The following TTC7B variants were observed in gnomAD, a reference collection of about 807,000 sequenced individuals.
TTC7B encodes the protein tetratricopeptide repeat domain 7B.
Under a neutral mutation model 106.8 loss-of-function variants are expected in TTC7B, and 28 were observed. The observed-to-expected ratio is 0.26, with a 90% CI of 0.19 to 0.36. The LOEUF (loss-of-function observed/expected upper bound fraction) is 0.36, where lower values mean the gene tolerates loss of function less well. Ranked by LOEUF, TTC7B falls within the 10% of genes least tolerant of loss-of-function variation. The pLI is 1.00. For missense variants in TTC7B, 862 were observed against 1,076.4 expected, an observed-to-expected ratio of 0.80 and a Z score of 2.79; for synonymous variants, 405 against 430.6, an observed-to-expected ratio of 0.94 and a Z score of 0.74.
intron 15 of TTC7B, among the ~76,000 whole-genome samples, chr14:90,630,210 A>AT (rs1304165261): frequency 1.3e-5 from 2 of 151,082 alleles, no homozygotes; most frequent in Non-Finnish European, 3.0e-5. Context: ...CATTTGGGGG[A>AT]TTTTGTCCCT....
At chr14:90,796,856 CTT>C (rs35291655) in intron 1 of TTC7B, among the ~76,000 whole-genome samples, 2 of 145,330 alleles carry the variant, frequency 1.4e-5, no homozygotes, top group Non-Finnish European at 1.5e-5. Flanking sequence ...TTCTTTTTTT[CTT>C]TTTTTTTTTG....
chr14:90,766,532 T>A, intron 3 of TTC7B: 1 of 755,630 alleles, frequency 1.3e-6, no homozygotes. Context: ...ACTGCCGCCA[T>A]GTCTCTAGTG....
intron 3 of TTC7B, among the ~76,000 whole-genome samples, chr14:90,768,005 C>T (rs1890744304): frequency 6.6e-6 from 1 of 152,126 alleles, no homozygotes; most frequent in Non-Finnish European, 1.5e-5. Context: ...AAGACCCATA[C>T]CAAGGCACAT....
At chr14:90,631,788 G>T (rs1423980665) in intron 15 of TTC7B, among the ~76,000 whole-genome samples, 1 of 152,038 alleles carries the variant, frequency 6.6e-6, no homozygotes, top group Non-Finnish European at 1.5e-5. Context: ...TTGTGACTTT[G>T]TTTTTTTGAT....
chr14:90,815,904 G>A (rs1385796145), intron 1 of TTC7B, among the ~76,000 whole-genome samples: 1 of 151,600 alleles, frequency 6.6e-6, no homozygotes, highest in East Asian at 2.0e-4. Flanking sequence ...GAGACCCCCG[G>A]ACACCCCAGA....
At chr14:90,658,090 C>T in intron 10 of TTC7B, 3 of 565,006 alleles carry the variant, frequency 5.3e-6, no homozygotes, top group Non-Finnish European at 9.5e-6. Context: ...TGGAAAAAGA[C>T]AAATATTTCA....
intron 4 of TTC7B, among the ~76,000 whole-genome samples, chr14:90,734,144 C>T (rs927408139): frequency 1.8e-4 from 27 of 151,988 alleles, no homozygotes; most frequent in Non-Finnish European, 3.1e-4. Context: ...ACAGGCCAGG[C>T]GTGGTGGCTC....
chr14:90,698,342 CT>C (rs1375002213), intron 5 of TTC7B: 3 of 152,184 alleles, frequency 2.0e-5, no homozygotes, highest in African/African-American at 7.2e-5. Flanking sequence ...CACACGATTG[CT>C]TTCATATCTT....
At chr14:90,811,550 C>T (rs985246875) in intron 1 of TTC7B, among the ~76,000 whole-genome samples, 2 of 152,314 alleles carry the variant, frequency 1.3e-5, no homozygotes, top group East Asian at 3.9e-4. Context: ...CCTGCACCCT[C>T]CACCAAGGGG....
In TTC7B at chr14:90,726,071, A is replaced by G. The variant is rs115851275; in HGVS notation, c.698+4004T>C. 4.0e-3 allele frequency among the ~76,000 whole-genome samples: 606 copies of G among 152,362 alleles called. 5 individuals carry two copies. Among genetic ancestry groups the G allele is most frequent in the African/African-American group, 0.014 (580 of 41,578 alleles). ...CAGTGAGCTAGGATCGTACCACTGCATTCCAGCCTGGGCCATAGAATAAGA... is the reference window on the plus strand; with the variant it reads ...CAGTGAGCTAGGATCGTACCACTGCGTTCCAGCCTGGGCCATAGAATAAGA... On this transcript the variant is annotated intron_variant, in intron 5 of 19. Coordinates refer to ENST00000328459, the MANE Select transcript of TTC7B (RefSeq NM_001010854.2).
intron 19 of TTC7B, among the ~76,000 whole-genome samples, chr14:90,552,202 A>G (rs935583635): frequency 2.6e-5 from 4 of 151,998 alleles, no homozygotes; most frequent in Non-Finnish European, 5.9e-5. Context: ...TCAGAGCTCC[A>G]CCGTGGGGTG....
chr14:90,603,653 C>T (rs914731612), intron 17 of TTC7B, among the ~76,000 whole-genome samples: 1 of 152,186 alleles, frequency 6.6e-6, no homozygotes, highest in African/African-American at 2.4e-5. Context: ...TAACCCTAAT[C>T]ATGATTCCAG....
intron 4 of TTC7B, among the ~76,000 whole-genome samples, chr14:90,736,942 A>G (rs1157574243): frequency 1.3e-5 from 2 of 151,372 alleles, no homozygotes; most frequent in Non-Finnish European, 2.9e-5. Context: ...ACACACATAC[A>G]TATATATGGA....
chr14:90,653,534 G>A (rs1885821218), intron 12 of TTC7B, among the ~76,000 whole-genome samples: 1 of 152,214 alleles, frequency 6.6e-6, no homozygotes, highest in Non-Finnish European at 1.5e-5. Flanking sequence ...CACTTCCCCT[G>A]TGCAGAGCAT....
intron 3 of TTC7B, among the ~76,000 whole-genome samples, chr14:90,761,777 C>G (rs1013206443): frequency 6.6e-6 from 1 of 152,170 alleles, no homozygotes; most frequent in African/African-American, 2.4e-5. Context: ...AACCACCTTC[C>G]CATACCAACT....
At chr14:90,776,405 C>G (rs1056528527) in intron 3 of TTC7B, among the ~76,000 whole-genome samples, 12 of 152,138 alleles carry the variant, frequency 7.9e-5, no homozygotes, top group Admixed American at 6.5e-4. Flanking sequence ...AGATGACCTT[C>G]TTCTAGGAAT....
intron 3 of TTC7B, among the ~76,000 whole-genome samples, chr14:90,756,384 G>GTTTTT (rs369068692): frequency 7.9e-6 from 1 of 126,780 alleles, no homozygotes; most frequent in Non-Finnish European, 1.6e-5. Context: ...TTTTTTTTTT[G>GTTTTT]TTTTTTTTTT....
At chr14:90,787,015 G>A (rs1891416420) in intron 1 of TTC7B, among the ~76,000 whole-genome samples, 2 of 152,126 alleles carry the variant, frequency 1.3e-5, no homozygotes, top group South Asian at 2.1e-4. Context: ...AGAGTGGCGC[G>A]ATGAAATCCC....
At chr14:90,595,176 A>T (rs1353804620) in intron 17 of TTC7B, among the ~76,000 whole-genome samples, 2 of 152,248 alleles carry the variant, frequency 1.3e-5, no homozygotes, top group East Asian at 3.9e-4. Flanking sequence ...TACTAAAAAT[A>T]CAAAAAATTA....
Sources: gnomAD v4.1 joint callset for allele counts (sites outside exome capture counted in the v4.1 genomes callset) on GRCh38, gnomAD v4.1.1 for gene constraint, MANE v1.5 for transcripts, NCBI Gene and HGNC (gene_info 2026-07-23, HGNC 2026-07-21) for gene names.